The following CLVS1 variants were observed in gnomAD, a reference collection of about 807,000 sequenced individuals.
CLVS1 encodes clavesin-1.
CLVS1 carries 10 observed loss-of-function variants against 33.1 expected under a neutral mutation model. That is an observed-to-expected ratio of 0.30 (90% CI 0.19 to 0.51). The LOEUF (loss-of-function observed/expected upper bound fraction) is 0.51, where lower values mean the gene tolerates loss of function less well. Among genes scored for constraint, CLVS1 ranks in the 20% least tolerant of loss-of-function variants. The pLI, the probability that CLVS1 is intolerant of heterozygous loss-of-function variation, is 0.97. For missense variants in CLVS1, 343 were observed against 433.4 expected, an observed-to-expected ratio of 0.79 and a Z score of 1.85; for synonymous variants, 163 against 166.1, an observed-to-expected ratio of 0.98 and a Z score of 0.14.
intron 2 of CLVS1, among the ~76,000 whole-genome samples, chr8:61,253,605 A>G (rs1809000220): frequency 6.6e-6 from 1 of 152,126 alleles, no homozygotes; most frequent in South Asian, 2.1e-4. Context: ...TATTTCTTGG[A>G]GGCTTTGTTC....
chr8:61,435,163 G>A (rs1182648965), intron 3 of CLVS1, among the ~76,000 whole-genome samples: 26 of 152,144 alleles, frequency 1.7e-4, no homozygotes, highest in Admixed American at 1.7e-3. Context: ...GAGAAGGTTG[G>A]TGGGAAGCAG....
chr8:61,083,167 A>T (rs558330663), intron 1 of CLVS1, among the ~76,000 whole-genome samples: 1 of 152,192 alleles, frequency 6.6e-6, no homozygotes. Flanking sequence ...AGAAGGAAAA[A>T]ATGAAGGGAA....
chr8:61,061,712 A>C (rs1585579785), intron 1 of CLVS1, among the ~76,000 whole-genome samples: 3 of 151,234 alleles, frequency 2.0e-5, no homozygotes, highest in African/African-American at 7.3e-5. Context: ...CAGAATGTGG[A>C]GCTCCTGTTT....
At chr8:61,488,607 A>C (rs1037231171) in intron 5 of CLVS1, among the ~76,000 whole-genome samples, 1 of 152,158 alleles carries the variant, frequency 6.6e-6, no homozygotes, top group African/African-American at 2.4e-5. Flanking sequence ...AATGATAAAC[A>C]CTTCTAATTT....
chr8:61,078,124 G>A (rs374879973), intron 1 of CLVS1, among the ~76,000 whole-genome samples: 5 of 152,196 alleles, frequency 3.3e-5, no homozygotes, highest in Admixed American at 1.3e-4. Context: ...GCCTGTCTGC[G>A]TGCTAGGGCT....
At chr8:61,139,586 G>A (rs1806267636) in intron 2 of CLVS1, among the ~76,000 whole-genome samples, 1 of 152,118 alleles carries the variant, frequency 6.6e-6, no homozygotes, top group Non-Finnish European at 1.5e-5. Context: ...CCCAGGGCCC[G>A]TGCAGAAGGG....
upstream of CLVS1, among the ~76,000 whole-genome samples, chr8:61,287,214 A>G (rs1809802250): frequency 6.6e-6 from 1 of 152,212 alleles, no homozygotes; most frequent in Admixed American, 6.5e-5. Flanking sequence ...ACTTCAGCCC[A>G]AACTGCCATA....
intron 3 of CLVS1, among the ~76,000 whole-genome samples, chr8:61,400,959 A>G (rs1225438176): frequency 3.3e-5 from 5 of 151,846 alleles, no homozygotes; most frequent in Non-Finnish European, 5.9e-5. Flanking sequence ...GATTTTTGCA[A>G]TGATATTTAT....
chr8:61,102,133 G>A lies in CLVS1; in HGVS notation c.-242-29637G>A, dbSNP rs192271567. 5.8e-4 allele frequency among the ~76,000 whole-genome samples: 88 copies of A among 152,224 alleles called. 1 individual carries two copies. The East Asian group carries it at 0.016, about 27-fold the overall frequency. On this transcript the variant is annotated intron_variant, in intron 1 of 2. Coordinates refer to the CLVS1 transcript ENST00000522621. ...CAGCTTGTCAAATTTCTTTAAAGAA[G>A]CCAGATGGGATTTTTGAGCTGGAGA... is the stretch of plus-strand genomic sequence containing the variant.
Position 61,454,172 on chromosome 8 carries a change from A to G in CLVS1, c.662A>G (p.His221Arg). 1 of 1,614,094 alleles carries G rather than the reference A, an allele frequency of 6.2e-7. No homozygotes were observed. Among genetic ancestry groups the G allele is most frequent in the Non-Finnish European group, 8.5e-7 (1 of 1,179,982 alleles). ...DSFPARFGGV[H>R]FVNQPWYIHA... ...TTTCCTGCCCGCTTTGGAGGAGTCC[A>G]CTTTGTCAACCAGCCCTGGTACATT... The change falls in exon 4 of 6, where the codon CAC becomes CGC. Residue 221 changes from histidine (H) to arginine (R), a missense_variant. Around this residue, in one of 4 missense-constraint regions of CLVS1, gnomAD observed 166 missense variants for 244.0 expected, o/e 0.68. Coordinates refer to ENST00000325897, the MANE Select transcript of CLVS1 (RefSeq NM_173519.3).
intron 1 of CLVS1, among the ~76,000 whole-genome samples, chr8:61,081,008 T>C (rs1805010409): frequency 3.3e-5 from 5 of 152,226 alleles, no homozygotes; most frequent in Admixed American, 3.3e-4. Context: ...TGGCTGAGTG[T>C]TCAGAAAATG....
intron 2 of CLVS1, among the ~76,000 whole-genome samples, chr8:61,345,576 T>C (rs1812184936): frequency 6.6e-6 from 1 of 151,890 alleles, no homozygotes; most frequent in Non-Finnish European, 1.5e-5. Flanking sequence ...TTCCCTCGAA[T>C]ATGGTGCCTG....
chr8:61,456,898 A>C (rs1817184694), intron 4 of CLVS1, among the ~76,000 whole-genome samples: 4 of 148,912 alleles, frequency 2.7e-5, no homozygotes, highest in Admixed American at 2.7e-4. Flanking sequence ...AGCTTGGGCA[A>C]CAGAGCAAGA....
At chr8:61,193,837 G>C (rs535134227) in intron 2 of CLVS1, among the ~76,000 whole-genome samples, 1 of 152,000 alleles carries the variant, frequency 6.6e-6, no homozygotes. Context: ...TTAAATATTT[G>C]GGTAAATTTA....
At chr8:61,096,254 A>G (rs2052993) in intron 1 of CLVS1, among the ~76,000 whole-genome samples, 102,164 of 152,178 alleles carry the variant, frequency 0.67, 35,235 homozygotes, top group East Asian at 0.97. Flanking sequence ...TTGTGGATGC[A>G]ACAGCTATAA....
upstream of CLVS1, among the ~76,000 whole-genome samples, chr8:61,284,468 A>G (rs1471979519): frequency 6.6e-6 from 1 of 152,230 alleles, no homozygotes; most frequent in African/African-American, 2.4e-5. Context: ...ACGTATCAAA[A>G]CATCATATTG....
At chr8:61,172,124 A>T (rs917062180) in intron 2 of CLVS1, among the ~76,000 whole-genome samples, 2 of 152,216 alleles carry the variant, frequency 1.3e-5, no homozygotes, top group African/African-American at 4.8e-5. Context: ...GACTTCATCC[A>T]TCACTTCAAC....
At chr8:61,334,138 G>A (rs1022037758) in intron 2 of CLVS1, among the ~76,000 whole-genome samples, 29 of 152,130 alleles carry the variant, frequency 1.9e-4, no homozygotes, top group Admixed American at 1.3e-4. Flanking sequence ...TTTCTTATAG[G>A]GAGGAATCAA....
intron 2 of CLVS1, among the ~76,000 whole-genome samples, chr8:61,220,834 C>T (rs749347246): frequency 3.9e-5 from 6 of 151,964 alleles, no homozygotes; most frequent in Non-Finnish European, 8.8e-5. Context: ...CTCTTATTTC[C>T]TTGAGCATTG....
Sources: gnomAD v4.1 joint callset for allele counts (sites outside exome capture counted in the v4.1 genomes callset) on GRCh38, gnomAD v4.1.1 for gene constraint, gnomAD v4.1.1 regional missense constraint, MANE v1.5 for transcripts, NCBI Gene and HGNC (gene_info 2026-07-23, HGNC 2026-07-21) for gene names.